LZTS3: variants seen among roughly 807,000 people sequenced by gnomAD.
The protein encoded by LZTS3 is leucine zipper putative tumor suppressor 3.
In LZTS3, 16 loss-of-function variants were observed where a neutral mutation model predicts 50.9. The observed-to-expected ratio is 0.31, with a 90% confidence interval of 0.21 to 0.48. The LOEUF is 0.48. LZTS3 is among the 20% of genes least tolerant of loss of function. The pLI, the probability that LZTS3 is intolerant of heterozygous loss-of-function variation, is 0.99. For missense variants in LZTS3, 816 were observed against 931.0 expected (o/e 0.88, Z 1.61); for synonymous variants, 408 against 410.6 (o/e 0.99, Z 0.08).
In LZTS3 at chr20:3,164,915, G is replaced by C; in HGVS notation, c.1561C>G (p.Leu521Val). 6.5e-7 allele frequency: 1 copy of C among 1,547,916 alleles called. No homozygotes were observed. The highest frequency in any genetic ancestry group is 1.2e-5 in the South Asian group (1 of 84,754). Reference sequence around the variant, plus strand: ...GGCTCGGCCGGGTCCACGGGGGTCAGCGCCGGCTTGAGGCAGGCGGCAGGC... The same window carrying C: ...GGCTCGGCCGGGTCCACGGGGGTCACCGCCGGCTTGAGGCAGGCGGCAGGC... ...ELPAACLKPA[L>V]TPVDPAEPQD... The change falls in exon 5 of 5, where the codon CTG becomes GTG. Residue 521 changes from leucine (L) to valine (V), a missense_variant. By Grantham distance (32) the Leu-to-Val change is conservative. Coordinates refer to ENST00000337576, the MANE Select transcript of LZTS3 (RefSeq NM_001365618.1).
intron 3 of LZTS3, 136 bp from the exon 4 acceptor site, chr20:3,166,496 G>A: frequency 1.6e-6 from 2 of 1,246,468 alleles, no homozygotes; most frequent in South Asian, 1.6e-5. Context: ...CCCCATCCGG[G>A]GTTCTACCTC....
chr20:3,165,177 A>G lies in LZTS3; in HGVS notation c.1324-25T>C. On this transcript the variant is annotated intron_variant, in intron 4 of 4. Coordinates refer to ENST00000337576, the MANE Select transcript of LZTS3 (RefSeq NM_001365618.1). The surrounding 1 kb of genome is among the most constrained non-coding windows in gnomAD (Gnocchi z 5.0). ...CCTGGGCAGGAACAGGTGAGAGGAG[A>G]AGCCAGGTAAAGGCAGAGCTCTGCT... is the stretch of plus-strand genomic sequence containing the variant. 6.7e-7 allele frequency: 1 copy of G among 1,497,636 alleles called. No homozygotes were observed. Among genetic ancestry groups the G allele is most frequent in the Non-Finnish European group, 8.9e-7 (1 of 1,121,140 alleles). The allele number at this position is 1,497,636 out of a possible 1,614,324, so 92.8% of individuals were successfully genotyped here.
Position 3,163,371 on chromosome 20 carries a change from CA to C in LZTS3, c.*1082del. On this transcript the variant is annotated 3_prime_UTR_variant, in exon 5 of 5. Coordinates refer to ENST00000337576, the MANE Select transcript of LZTS3 (RefSeq NM_001365618.1). This position sits in a 1 kb window ranked among gnomAD's most constrained non-coding sequence, Gnocchi z 5.2. The stretch of plus-strand genomic sequence containing the variant: ...TCACATCCAACTCTCCCCCCGCCCC[CA>C]AAACAAGGGCCTCCGGCTCAGACTT... The C allele has an allele frequency of 6.5e-6, 1 of 153,360 alleles. No homozygotes were observed. Among genetic ancestry groups the C allele is most frequent in the Non-Finnish European group, 1.5e-5 (1 of 68,596 alleles). The allele number at this position is 153,360 out of a possible 1,614,324, so 9.5% of individuals were successfully genotyped here.
At chr20:3,173,181 T>TCC (rs1439511530) in intron 1 of LZTS3, among the ~76,000 whole-genome samples, 1 of 151,806 alleles carries the variant, frequency 6.6e-6, no homozygotes, top group Non-Finnish European at 1.5e-5. Context: ...CTCCCCAGGC[T>TCC]CCCCACCAAC....
chr20:3,170,645 T>C (rs1411393163), intron 1 of LZTS3, among the ~76,000 whole-genome samples: 2 of 151,584 alleles, frequency 1.3e-5, no homozygotes, highest in Admixed American at 6.6e-5. Flanking sequence ...ACAAAAAAAT[T>C]AGCTGGGTGT....
Position 3,167,288 on chromosome 20 carries a change from T to C in LZTS3, c.-18-107A>G. 2.9e-6 allele frequency: 4 copies of C among 1,391,290 alleles called. No individual in the cohort carries two copies. The East Asian group carries it at 7.7e-5, about 27-fold the overall frequency. The allele number at this position is 1,391,290 out of a possible 1,614,324, so 86.2% of individuals were successfully genotyped here. On this transcript the variant is annotated intron_variant, in intron 2 of 4. Coordinates refer to ENST00000337576, the MANE Select transcript of LZTS3 (RefSeq NM_001365618.1). ...CTCTGCCCCTCAGTGTCCCCTTCCCTACAATGGGTACAAAAAGTTCCCAGG... is the reference window on the plus strand; with the variant it reads ...CTCTGCCCCTCAGTGTCCCCTTCCCCACAATGGGTACAAAAAGTTCCCAGG...
chr20:3,173,057 AG>A (rs533807989), intron 1 of LZTS3, among the ~76,000 whole-genome samples: 2 of 142,884 alleles, frequency 1.4e-5, no homozygotes, highest in Non-Finnish European at 3.1e-5. Context: ...TGGGGGTGGG[AG>A]GGGGGGTCGC....
chr20:3,170,486 C>CAAAAAAAAAAAAAA (rs397955055), intron 1 of LZTS3, among the ~76,000 whole-genome samples: 26 of 72,546 alleles, frequency 3.6e-4, no homozygotes, highest in Admixed American at 6.5e-4. Context: ...GAGACTACAT[C>CAAAAAAAAAAAAAA]AAAAAAAAAA....
chr20:3,172,980 G>A (rs975890952), intron 1 of LZTS3, among the ~76,000 whole-genome samples: 4 of 151,718 alleles, frequency 2.6e-5, no homozygotes, highest in Non-Finnish European at 4.4e-5. Context: ...AGTGTTTCAG[G>A]ACTGAGGGGG....
Position 3,165,116 on chromosome 20 carries a change from G to T in LZTS3, c.1360C>A (p.Gln454Lys), listed in dbSNP as rs1269498664. 1.9e-6 allele frequency: 3 copies of T among 1,589,450 alleles called. No individual in the cohort carries two copies. In the African/African-American group the frequency reaches 4.0e-5, roughly 21 times the overall value. Reference protein sequence around the residue: ...QKAGEISLLKQQLKDSQADVS... With the variant: ...QKAGEISLLKKQLKDSQADVS... Reference sequence around the variant, plus strand: ...TCCGCCTGCGAGTCCTTCAGCTGCTGCTTCAGGAGGGAGATCTCGCCAGCC... The same window carrying T: ...TCCGCCTGCGAGTCCTTCAGCTGCTTCTTCAGGAGGGAGATCTCGCCAGCC... The change falls in exon 5 of 5, where the codon CAG becomes AAG. Residue 454 changes from glutamine (Q) to lysine (K), a missense_variant. This residue lies in a region of LZTS3 where 700 missense variants were observed against 769.4 expected (regional missense o/e 0.91). Coordinates refer to ENST00000337576, the MANE Select transcript of LZTS3 (RefSeq NM_001365618.1). The surrounding 1 kb of genome is among the most constrained non-coding windows in gnomAD (Gnocchi z 5.0).
chr20:3,172,331 A>G (rs1305529826), intron 1 of LZTS3, among the ~76,000 whole-genome samples: 1 of 152,194 alleles, frequency 6.6e-6, no homozygotes, highest in East Asian at 1.9e-4. Flanking sequence ...CATTGCAGGC[A>G]TTTTAAGAAG....
chr20:3,167,623 G>A, intron 2 of LZTS3, 115 bp downstream of exon 2: 1 of 991,332 alleles, frequency 1.0e-6, no homozygotes, highest in Non-Finnish European at 1.2e-6. Context: ...AATGGGGTTG[G>A]AAGGGGAGAG....
At position 3,163,436 on chromosome 20, in the gene LZTS3, T is replaced by G. The variant is rs2122154748; in HGVS notation, c.*1018A>C. 2 of 152,634 alleles carry G rather than the reference T, an allele frequency of 1.3e-5. No individual in the cohort carries two copies. The highest frequency in any genetic ancestry group is 3.4e-3 in the Middle Eastern group (1 of 294). 9.5% of individuals were successfully genotyped at this position (152,634 alleles called of 1,614,324 possible). A position where few individuals can be genotyped will look rare whatever the true frequency, so the allele number is the denominator to read the frequency against. Reference sequence around the variant, plus strand: ...TGGGAAGTGGGCAGTGCACCAAAGGTCAAGCGGAATTTTCTATTGGAAGAA... The same window carrying G: ...TGGGAAGTGGGCAGTGCACCAAAGGGCAAGCGGAATTTTCTATTGGAAGAA... On this transcript the variant is annotated 3_prime_UTR_variant, in exon 5 of 5. Transcript: ENST00000337576. The surrounding 1 kb of genome is among the most constrained non-coding windows in gnomAD (Gnocchi z 5.2).
rs1243925565 is a variant in LZTS3, at chr20:3,165,396, C to CT, written c.1323+100_1323+101insA. ...TTGTCCCCCCTGCTCCTTTCATCCC[C>CT]CCCCCCATCCCACCGTTATGATAGT... On this transcript the variant is annotated intron_variant, in intron 4 of 4. Coordinates refer to ENST00000337576, the MANE Select transcript of LZTS3 (RefSeq NM_001365618.1). This position sits in a 1 kb window ranked among gnomAD's most constrained non-coding sequence, Gnocchi z 5.0. The CT allele has an allele frequency of 8.9e-7, 1 of 1,126,038 alleles. No individual in the cohort carries two copies. The highest frequency in any genetic ancestry group is 1.7e-5 in the African/African-American group (1 of 57,534). The allele number at this position is 1,126,038 out of a possible 1,614,324, so 69.8% of individuals were successfully genotyped here.
chr20:3,169,843 C>T (rs1356033469), intron 1 of LZTS3, among the ~76,000 whole-genome samples: 1 of 145,430 alleles, frequency 6.9e-6, no homozygotes, highest in Non-Finnish European at 1.5e-5. Flanking sequence ...TGCACCACTG[C>T]ACTCCAGCCT....
At position 3,170,486 on chromosome 20, in the gene LZTS3, C is replaced by CAAAAAAAAAAA. The variant is rs397955055; in HGVS notation, c.-242-2536_-242-2526dup. Reference sequence around the variant, plus strand: ...CCTGGAAGACAGAGCGAGACTACATCAAAAAAAAAAAAAAAAAAAACAGGT... The same window carrying CAAAAAAAAAAA: ...CCTGGAAGACAGAGCGAGACTACATCAAAAAAAAAAAAAAAAAAAAAAAAAAAAAAACAGGT... On this transcript the variant is annotated intron_variant, in intron 1 of 4. Transcript: ENST00000337576. 2.3e-3 allele frequency among the ~76,000 whole-genome samples: 169 copies of CAAAAAAAAAAA among 72,512 alleles called. 11 individuals are homozygous for CAAAAAAAAAAA. Among genetic ancestry groups the CAAAAAAAAAAA allele is most frequent in the East Asian group, 3.6e-3 (9 of 2,470 alleles). The allele number at this position is 72,512 out of a possible 152,430, so 47.6% of individuals were successfully genotyped here.
chr20:3,167,929 CGACTGAGCCATCCCG>C lies in LZTS3; in HGVS notation c.-225_-211del. The C allele has an allele frequency of 1.1e-6, 1 of 891,884 alleles. No homozygotes were observed. Among genetic ancestry groups the C allele is most frequent in the Non-Finnish European group, 1.3e-6 (1 of 744,522 alleles). 55.2% of individuals were successfully genotyped at this position (891,884 alleles called of 1,614,324 possible). A position where few individuals can be genotyped will look rare whatever the true frequency, so the allele number is the denominator to read the frequency against. On this transcript the variant is annotated 5_prime_UTR_variant, in exon 2 of 5. The change abolishes an upstream ATG in the 5' untranslated region. Coordinates refer to ENST00000337576, the MANE Select transcript of LZTS3 (RefSeq NM_001365618.1). ...ACCAGCTGCGCGACTTTGGAGGGGC[CGACTGAGCCATCCCG>C]GACTGCAGTTTTCTCCTCTGCGAAA...
chr20:3,167,421 C>A (rs138333601), intron 2 of LZTS3: 18,227 of 964,648 alleles, frequency 0.019, 182 homozygotes, highest in East Asian at 0.05. Context: ...TGCACATAGC[C>A]CCCAGCGTTG....
At chr20:3,172,881 A>T (rs1474816820) in intron 1 of LZTS3, among the ~76,000 whole-genome samples, 1 of 151,942 alleles carries the variant, frequency 6.6e-6, no homozygotes, top group Non-Finnish European at 1.5e-5. Flanking sequence ...CTTGGTTGGG[A>T]TGAGTGAGGG....
Sources: allele counts gnomAD v4.1 joint callset (sites outside exome capture counted in the v4.1 genomes callset), GRCh38; gene constraint gnomAD v4.1.1; regional missense constraint gnomAD v4.1.1; non-coding constraint Gnocchi (gnomAD v3.1); transcripts MANE v1.5; gene names NCBI Gene and HGNC (gene_info 2026-07-23, HGNC 2026-07-21).